The following ANKRD36C variants were observed in gnomAD, a reference collection of about 807,000 sequenced individuals.
The protein encoded by ANKRD36C is ankyrin repeat domain-containing protein 36C.
A neutral mutation model predicts 276.4 loss-of-function variants in ANKRD36C; 61 were observed. That is an observed-to-expected ratio of 0.22 (90% CI 0.18 to 0.27). The LOEUF is 0.27. Ranked by LOEUF, ANKRD36C falls within the 10% of genes least tolerant of loss-of-function variation. The probability of loss-of-function intolerance (pLI) is 1.00; values close to 1 mark genes in which losing one functional copy is unlikely to be tolerated. For missense variants in ANKRD36C, 1,447 were observed against 2,032.3 expected, an observed-to-expected ratio of 0.71 and a Z score of 5.54; for synonymous variants, 483 against 680.1, an observed-to-expected ratio of 0.71 and a Z score of 4.51.
At chr2:95,878,929 C>T (rs1449427913) in intron 58 of ANKRD36C, among the ~76,000 whole-genome samples, 2 of 152,116 alleles carry the variant, frequency 1.3e-5, no homozygotes, top group East Asian at 3.8e-4. Flanking sequence ...AATACAGCTA[C>T]CCACATGATC....
At chr2:95,887,364 C>T (rs2463564) in intron 50 of ANKRD36C, among the ~76,000 whole-genome samples, 40,003 of 147,906 alleles carry the variant, frequency 0.27, 6,302 homozygotes, top group East Asian at 0.46. Context: ...TATGCAAATA[C>T]GCTAAATGCC....
intron 19 of ANKRD36C, 37 bp from the exon 20 acceptor site, chr2:95,941,236 T>C (rs1331697157): frequency 1.3e-5 from 19 of 1,466,444 alleles, no homozygotes; most frequent in Non-Finnish European, 1.7e-5. Flanking sequence ...TCAGAAAATG[T>C]TATATTTACT....
At chr2:95,928,471 T>C (rs1202049834) in intron 26 of ANKRD36C, among the ~76,000 whole-genome samples, 2 of 151,624 alleles carry the variant, frequency 1.3e-5, no homozygotes, top group Non-Finnish European at 3.0e-5. Flanking sequence ...CTTCCAGTAG[T>C]TCTTGGAGCA....
intron 24 of ANKRD36C, among the ~76,000 whole-genome samples, chr2:95,934,190 T>C (rs1677650431): frequency 6.6e-6 from 1 of 152,138 alleles, no homozygotes; most frequent in Non-Finnish European, 1.5e-5. Context: ...TGGAAGACAG[T>C]GTGGTGATTC....
intron 12 of ANKRD36C, among the ~76,000 whole-genome samples, chr2:95,957,774 G>C (rs1356367564): frequency 6.6e-6 from 1 of 152,220 alleles, no homozygotes; most frequent in African/African-American, 2.4e-5. Context: ...TGGTTTGAAG[G>C]ATCATGTCAT....
chr2:95,926,138 T>C (rs1253922069), intron 28 of ANKRD36C, among the ~76,000 whole-genome samples: 1 of 151,614 alleles, frequency 6.6e-6, no homozygotes, highest in Non-Finnish European at 1.5e-5. Flanking sequence ...ACCCATGTGG[T>C]GTAATAATGT....
chr2:95,950,135 C>A (rs1354660458), intron 16 of ANKRD36C, among the ~76,000 whole-genome samples: 2 of 152,268 alleles, frequency 1.3e-5, no homozygotes, highest in Admixed American at 6.5e-5. Flanking sequence ...ATAACATGGA[C>A]TATATTTAGA....
intron 60 of ANKRD36C, among the ~76,000 whole-genome samples, chr2:95,860,395 C>T (rs79167958): frequency 6.6e-6 from 1 of 150,998 alleles, no homozygotes; most frequent in African/African-American, 2.4e-5. Flanking sequence ...GAAGATTTCC[C>T]TGAGGAAGAG....
chr2:95,890,439 T>C (rs1229387621), intron 46 of ANKRD36C, among the ~76,000 whole-genome samples: 1 of 151,458 alleles, frequency 6.6e-6, no homozygotes, highest in African/African-American at 2.4e-5. Flanking sequence ...GCCCAATAAC[T>C]GAGAAGGCAC....
At chr2:95,903,146 T>G (rs1161085831) in intron 42 of ANKRD36C, 65 bp from the exon 53 acceptor site, 1 of 1,533,616 alleles carries the variant, frequency 6.5e-7, no homozygotes, top group Non-Finnish European at 8.8e-7. Context: ...CACATATTCA[T>G]GCAGTGTTAG....
chr2:95,975,986 T>C (rs1244112723), intron 6 of ANKRD36C, among the ~76,000 whole-genome samples: 3 of 152,212 alleles, frequency 2.0e-5, no homozygotes, highest in East Asian at 1.9e-4. Context: ...CAGACACTTC[T>C]CAAAAGAAGA....
chr2:95,892,578 A>G (rs1676404557), intron 44 of ANKRD36C, among the ~76,000 whole-genome samples: 1 of 151,578 alleles, frequency 6.6e-6, no homozygotes. Context: ...ATTTTGACAT[A>G]CCTATACAAA....
intron 44 of ANKRD36C, chr2:95,894,166 A>T (rs1185859297): frequency 4.6e-6 from 1 of 218,138 alleles, no homozygotes; most frequent in Non-Finnish European, 9.1e-6. Flanking sequence ...TAAACTGCCA[A>T]TAACTGAGAA....
intron 13 of ANKRD36C, among the ~76,000 whole-genome samples, chr2:95,956,362 C>G (rs1678327278): frequency 1.3e-5 from 2 of 152,158 alleles, no homozygotes; most frequent in South Asian, 4.1e-4. Flanking sequence ...TTTGGAGTAT[C>G]CAGGCTTCTA....
At chr2:95,865,982 A>G (rs1675676306) in intron 60 of ANKRD36C, among the ~76,000 whole-genome samples, 1 of 152,040 alleles carries the variant, frequency 6.6e-6, no homozygotes, top group South Asian at 2.1e-4. Flanking sequence ...GAAATAGATA[A>G]CACATAAGCA....
At chr2:95,934,408 G>T (rs1416704387) in intron 24 of ANKRD36C, among the ~76,000 whole-genome samples, 2 of 152,060 alleles carry the variant, frequency 1.3e-5, no homozygotes, top group African/African-American at 2.4e-5. Flanking sequence ...ACACATCATG[G>T]AATACTATGC....
rs377301841 is a variant in ANKRD36C at position 95,941,525 on chromosome 2, T to A, written c.1492-326A>T. 5.0e-5 allele frequency among the ~76,000 whole-genome samples: 4 copies of A among 80,520 alleles called. No homozygotes were observed. In the East Asian group the frequency reaches 1.2e-3, roughly 24 times the overall value. 52.8% of individuals were successfully genotyped at this position (80,520 alleles called of 152,430 possible). A position where few individuals can be genotyped will look rare whatever the true frequency, so the allele number is the denominator to read the frequency against. ...GGGTCCTATTTTTAAAATAGACAAGTGAAGACTAAGAATGTGAAGTGTTTC... is the reference window on the plus strand; with the variant it reads ...GGGTCCTATTTTTAAAATAGACAAGAGAAGACTAAGAATGTGAAGTGTTTC... On this transcript the variant is annotated intron_variant, in intron 19 of 66. Transcript: ENST00000456556.
chr2:95,939,529 C>A (rs369094139), intron 20 of ANKRD36C, among the ~76,000 whole-genome samples: 5 of 122,096 alleles, frequency 4.1e-5, no homozygotes, highest in African/African-American at 1.6e-4. Flanking sequence ...CACGGTGAAA[C>A]CCCGTCTCTA....
intron 6 of ANKRD36C, among the ~76,000 whole-genome samples, chr2:95,977,816 TATC>T (rs1296472106): frequency 2.6e-5 from 4 of 152,274 alleles, no homozygotes; most frequent in African/African-American, 9.6e-5. Context: ...TCTAATTCAT[TATC>T]ATGTGACTAT....
Sources: gnomAD v4.1 joint callset for allele counts (sites outside exome capture counted in the v4.1 genomes callset) on GRCh38, gnomAD v4.1.1 for gene constraint, MANE v1.5 for transcripts, NCBI Gene and HGNC (gene_info 2026-07-23, HGNC 2026-07-21) for gene names.